CLCN7: variants seen among roughly 807,000 people sequenced by gnomAD.
CLCN7 encodes Cl-/H+ antiporter 7.
Under a neutral mutation model 102.1 loss-of-function variants are expected in CLCN7, and 60 were observed. The observed-to-expected ratio is 0.59, with a 90% CI of 0.48 to 0.73. The LOEUF (loss-of-function observed/expected upper bound fraction) is 0.73, where lower values mean the gene tolerates loss of function less well. Among genes scored for constraint, CLCN7 ranks in the 30% least tolerant of loss-of-function variants. CLCN7 has a pLI of 0.00. For missense variants in CLCN7, 962 were observed against 1,125.7 expected (o/e 0.85, Z 2.08); for synonymous variants, 560 against 490.5 (o/e 1.14, Z -1.87).
intron 1 of CLCN7, among the ~76,000 whole-genome samples, chr16:1,470,275 G>A (rs1243395594): frequency 6.6e-6 from 1 of 152,210 alleles, no homozygotes; most frequent in African/African-American, 2.4e-5. Flanking sequence ...GGTATGAGAG[G>A]CGTGCACCAC....
intron 4 of CLCN7, 100 bp downstream of exon 4, chr16:1,461,305 A>C: frequency 9.8e-7 from 1 of 1,015,442 alleles, no homozygotes; most frequent in Non-Finnish European, 1.5e-6. Context: ...AGGAGGAGGG[A>C]GGAGGTGCGT....
intron 1 of CLCN7, among the ~76,000 whole-genome samples, chr16:1,469,039 G>GAA (rs58295150): frequency 1.0e-4 from 12 of 118,622 alleles, no homozygotes; most frequent in South Asian, 2.8e-4. Context: ...TAAAAAAAAC[G>GAA]AAAAAAAAAA....
At chr16:1,460,740 C>G (rs2038921931) in intron 5 of CLCN7, 76 bp downstream of exon 5, 1 of 1,608,134 alleles carries the variant, frequency 6.2e-7, no homozygotes, top group African/African-American at 1.3e-5. Flanking sequence ...ACACGCTGGG[C>G]TCAGGACTTC....
chr16:1,464,746 G>A (rs17135345), intron 2 of CLCN7, among the ~76,000 whole-genome samples: 16,895 of 152,246 alleles, frequency 0.11, 1,104 homozygotes, highest in Middle Eastern at 0.22. Flanking sequence ...ACCCAGAGAC[G>A]ATGAGTGAAC....
rs879143529 is a variant in CLCN7 at position 1,448,303 on chromosome 16, GGACTC to G, written c.2013+47_2013+51del. ...ACCTTGCCGTGTGCTTCCCACCAAT[GGACTC>G]GACAGAGGTCACATAGGCAGGACCC... On this transcript the variant is annotated intron_variant, in intron 21 of 24. Transcript: ENST00000382745. The G allele has an allele frequency of 1.9e-6, 3 of 1,605,396 alleles. No homozygotes were observed. The South Asian group carries it at 3.3e-5, about 18-fold the overall frequency.
Position 1,461,679 on chromosome 16 carries a change from G to A in CLCN7, c.214-5C>T, listed in dbSNP as rs553560288. ...GGGATGTGGAGGGTCCATATCCTGT[G>A]GCAGAAAAAGGCAAAGAGAGAAGCA... On this transcript the variant is annotated splice_polypyrimidine_tract_variant and splice_region_variant and intron_variant, in intron 2 of 24. Transcript: ENST00000382745. 6.2e-7 allele frequency: 1 copy of A among 1,613,246 alleles called. No homozygotes were observed. The highest frequency in any genetic ancestry group is 8.5e-7 in the Non-Finnish European group (1 of 1,179,500).
At chr16:1,456,314 G>C in intron 9 of CLCN7, 108 bp from the exon 10 acceptor site, 1 of 807,032 alleles carries the variant, frequency 1.2e-6, no homozygotes, top group South Asian at 1.5e-5. Context: ...GGGCTTTCAG[G>C]ACAACCGAGT....
Position 1,459,862 on chromosome 16 carries a change from A to G in CLCN7, c.594+556T>C, listed in dbSNP as rs1201244582. ...AGCTCAGCACACACGTCGGGGCCCC[A>G]GGGAAGGGGAGCTCAGCACACATGT... On this transcript the variant is annotated intron_variant, in intron 6 of 24. Coordinates refer to ENST00000382745, the MANE Select transcript of CLCN7 (RefSeq NM_001287.6). 7.4e-5 allele frequency among the ~76,000 whole-genome samples: 9 copies of G among 121,916 alleles called. 1 individual carries two copies. Among genetic ancestry groups the G allele is most frequent in the African/African-American group, 2.9e-4 (9 of 30,704 alleles). The allele number at this position is 121,916 out of a possible 152,430, so 80.0% of individuals were successfully genotyped here.
chr16:1,449,590 C>T, intron 17 of CLCN7: 1 of 572,134 alleles, frequency 1.7e-6, no homozygotes, highest in South Asian at 2.0e-5. Context: ...CACCACGCAG[C>T]AGCCCAGGCC....
At position 1,451,842 on chromosome 16, in the gene CLCN7, C is replaced by T. The variant is rs989513069; in HGVS notation, c.1354-126G>A. The T allele has an allele frequency of 1.1e-5, 8 of 749,038 alleles. No individual in the cohort carries two copies. The African/African-American group carries it at 1.2e-4, about 11-fold the overall frequency. The allele number at this position is 749,038 out of a possible 1,614,324, so 46.4% of individuals were successfully genotyped here. ...GGCCAGCATCAGGCGCGAAACCACA[C>T]GATCCTGCCATTGGGTCAGGGCCAC... On this transcript the variant is annotated intron_variant, in intron 15 of 24. Coordinates refer to ENST00000382745, the MANE Select transcript of CLCN7 (RefSeq NM_001287.6).
At chr16:1,453,312 C>T (rs1418939511) in intron 14 of CLCN7, among the ~76,000 whole-genome samples, 4 of 152,218 alleles carry the variant, frequency 2.6e-5, no homozygotes, top group Non-Finnish European at 5.9e-5. Context: ...CGCGCCCGGC[C>T]AGGCCTGTGT....
intron 16 of CLCN7, 74 bp from the exon 17 acceptor site, chr16:1,450,740 T>A: frequency 8.2e-7 from 1 of 1,220,296 alleles, no homozygotes; most frequent in Non-Finnish European, 1.1e-6. Context: ...CGCTGCCCAG[T>A]CTCGGGCCTC....
At chr16:1,449,428 A>G (rs2038707511) in intron 17 of CLCN7, 101 bp from the exon 18 acceptor site, 6 of 1,124,904 alleles carry the variant, frequency 5.3e-6, no homozygotes, top group Non-Finnish European at 7.9e-6. Context: ...GCAGCCCCAC[A>G]GCCAGGAACA....
rs2142377492 is a variant in CLCN7 at position 1,454,608 on chromosome 16, C to A, written c.1099-143G>T. 9 of 826,736 alleles carry A rather than the reference C, an allele frequency of 1.1e-5. No homozygotes were observed. In the South Asian group the frequency reaches 1.1e-4, roughly 10 times the overall value. The allele number at this position is 826,736 out of a possible 1,614,324, so 51.2% of individuals were successfully genotyped here. On this transcript the variant is annotated intron_variant, in intron 12 of 24. Coordinates refer to ENST00000382745, the MANE Select transcript of CLCN7 (RefSeq NM_001287.6). The stretch of plus-strand genomic sequence containing the variant: ...CTTCCACGCAGGCTGCGGAAGTCCA[C>A]AGGGGAGAAACACACTGGGTGTTCT...
Position 1,457,478 on chromosome 16 carries a change from G to A in CLCN7, c.739-141C>T, listed in dbSNP as rs929002552. 10 of 570,956 alleles carry A rather than the reference G, an allele frequency of 1.8e-5. No homozygotes were observed. The highest frequency in any genetic ancestry group is 5.5e-5 in the East Asian group (2 of 36,214). The allele number at this position is 570,956 out of a possible 1,614,324, so 35.4% of individuals were successfully genotyped here. On this transcript the variant is annotated intron_variant, in intron 8 of 24. Coordinates refer to ENST00000382745, the MANE Select transcript of CLCN7 (RefSeq NM_001287.6). This position sits in a 1 kb window ranked among gnomAD's most constrained non-coding sequence, Gnocchi z 5.4. The stretch of plus-strand genomic sequence containing the variant: ...ACCGATGCTCAGAGACACGCGTGAC[G>A]CGGCCCTTCCTGGAGACCAGAAGGA...
intron 6 of CLCN7, 121 bp from the exon 7 acceptor site, chr16:1,459,308 G>C: frequency 1.3e-6 from 1 of 783,206 alleles, no homozygotes; most frequent in Non-Finnish European, 2.2e-6. Flanking sequence ...TCAGGGAAGG[G>C]GAGCTCAGCA....
At position 1,450,567 on chromosome 16, in the gene CLCN7, G is replaced by A. The variant is rs371736537; in HGVS notation, c.1547C>T (p.Pro516Leu). The change falls in exon 17 of 25, where the codon CCG becomes CTG. Residue 516 changes from proline (P) to leucine (L), a missense_variant. Transcript: ENST00000382745. ...GLTVSAGVFI[P>L]SLLIGAAWGR... ...CCAGGCAGCCCCGATGAGCAGGGAC[G>A]GGATGAAGACCCCGGCAGACACCGT... 7.4e-6 allele frequency: 12 copies of A among 1,612,208 alleles called. No individual in the cohort carries two copies. The highest frequency in any genetic ancestry group is 1.3e-5 in the African/African-American group (1 of 75,048).
At position 1,457,893 on chromosome 16, in the gene CLCN7, C is replaced by T; in HGVS notation, c.676-137G>A. ...GGCCTCCGGGAGGGGGCCAGCACCC[C>T]CAGGCTGGGTCTCCCCATGGCCACA... On this transcript the variant is annotated intron_variant, in intron 7 of 24. Transcript: ENST00000382745. The surrounding 1 kb of genome is among the most constrained non-coding windows in gnomAD (Gnocchi z 5.4). 1 of 830,824 alleles carries T rather than the reference C, an allele frequency of 1.2e-6. No homozygotes were observed. The highest frequency in any genetic ancestry group is 2.0e-6 in the Non-Finnish European group (1 of 499,564). 51.5% of individuals were successfully genotyped at this position (830,824 alleles called of 1,614,324 possible).
At chr16:1,448,852 C>T (rs895027135) in intron 19 of CLCN7, 86 bp from the exon 20 acceptor site, 2 of 1,594,646 alleles carry the variant, frequency 1.3e-6, no homozygotes, top group South Asian at 1.1e-5. Flanking sequence ...CCAGAGGCCG[C>T]CCCCAGAAAC....
Sources: allele counts gnomAD v4.1 joint callset (sites outside exome capture counted in the v4.1 genomes callset), GRCh38; gene constraint gnomAD v4.1.1; non-coding constraint Gnocchi (gnomAD v3.1); transcripts MANE v1.5; gene names NCBI Gene and HGNC (gene_info 2026-07-23, HGNC 2026-07-21).